Variants in ABCC1 observed in about 807,000 individuals in gnomAD.
ABCC1 encodes the protein ATP binding cassette subfamily C member 1 (ABCC1 blood group).
ABCC1 carries 83 observed loss-of-function variants against 172.9 expected under a neutral mutation model. The ratio of observed to expected loss-of-function variants is 0.48; its 90% confidence interval spans 0.40 to 0.58. The LOEUF (loss-of-function observed/expected upper bound fraction) is 0.58, where lower values mean the gene tolerates loss of function less well. ABCC1 is among the 20% of genes least tolerant of loss of function. ABCC1 has a pLI of 0.00. For missense variants in ABCC1, 1,817 were observed against 2,002.7 expected (o/e 0.91, Z 1.77); for synonymous variants, 937 against 825.2 (o/e 1.14, Z -2.32).
intron 1 of ABCC1, among the ~76,000 whole-genome samples, chr16:15,953,869 G>C (rs1773568174): frequency 6.6e-6 from 1 of 152,138 alleles, no homozygotes; most frequent in Non-Finnish European, 1.5e-5. Context: ...GAGTCAGTCT[G>C]ATCCCTGGTT....
rs775344535 is a variant in ABCC1 at position 16,044,690 on chromosome 16, C to T, written c.1040+10C>T. On this transcript the variant is annotated intron_variant, in intron 8 of 30. Coordinates refer to ENST00000399410, the MANE Select transcript of ABCC1 (RefSeq NM_004996.4). ...GGCCGCAGATCTTAAAGTAAGACCC[C>T]TTCCCTCCCAGGTGGGCTCCATTTT... is the stretch of plus-strand genomic sequence containing the variant. The T allele has an allele frequency of 5.6e-6, 9 of 1,611,066 alleles. No homozygotes were observed. Among genetic ancestry groups the T allele is most frequent in the Non-Finnish European group, 2.5e-6 (3 of 1,177,236 alleles).
intron 1 of ABCC1, among the ~76,000 whole-genome samples, chr16:16,002,827 T>G (rs7202416): frequency 0.016 from 2,406 of 149,894 alleles, 60 homozygotes; most frequent in African/African-American, 0.055. Flanking sequence ...AAAAGCAAGG[T>G]ATAGAATGGA....
chr16:16,118,162 A>G (rs546889896), intron 23 of ABCC1, among the ~76,000 whole-genome samples: 1 of 152,282 alleles, frequency 6.6e-6, no homozygotes, highest in African/African-American at 2.4e-5. Flanking sequence ...CCGCAGCACA[A>G]TTGCCAGTAG....
intron 17 of ABCC1, 97 bp from the exon 18 acceptor site, chr16:16,086,727 C>T: frequency 2.1e-6 from 3 of 1,454,378 alleles, no homozygotes; most frequent in Admixed American, 3.7e-5. Context: ...CCTTGGCCTC[C>T]CAAAGTTCTG....
At chr16:15,961,012 TTTTTTTTTTTTTA>T (rs1252837050) in intron 1 of ABCC1, among the ~76,000 whole-genome samples, 8 of 55,658 alleles carry the variant, frequency 1.4e-4, no homozygotes, top group African/African-American at 6.6e-4. Flanking sequence ...TTTTTTTTTT[TTTTTTTTTTTTTA>T]AAATAGATGG....
At chr16:16,135,469 C>T (rs1449620425) in intron 28 of ABCC1, among the ~76,000 whole-genome samples, 6 of 151,686 alleles carry the variant, frequency 4.0e-5, no homozygotes, top group African/African-American at 1.5e-4. Flanking sequence ...TCTTTTTTTT[C>T]TTTTTTTAAC....
At chr16:16,081,737 T>C (rs532818356) in intron 16 of ABCC1, among the ~76,000 whole-genome samples, 1 of 152,250 alleles carries the variant, frequency 6.6e-6, no homozygotes, top group Admixed American at 6.5e-5. Flanking sequence ...AAGAATCTTC[T>C]GGCTGGGCGC....
At position 16,065,356 on chromosome 16, in the gene ABCC1, G is replaced by T. The variant is rs187846767; in HGVS notation, c.1678-2800G>T. Reference sequence around the variant, plus strand: ...GCTCACTGCAGCCTCGACCTCCTGGGCTCAAATGATTCTCCTGCCTCAGCC... The same window carrying T: ...GCTCACTGCAGCCTCGACCTCCTGGTCTCAAATGATTCTCCTGCCTCAGCC... On this transcript the variant is annotated intron_variant, in intron 12 of 30. Transcript: ENST00000399410. 4.4e-3 allele frequency among the ~76,000 whole-genome samples: 677 copies of T among 152,238 alleles called. 4 individuals are homozygous for T. Among genetic ancestry groups the T allele is most frequent in the South Asian group, 0.012 (59 of 4,818 alleles).
chr16:15,988,702 G>A (rs1157602673), intron 1 of ABCC1, among the ~76,000 whole-genome samples: 3 of 152,164 alleles, frequency 2.0e-5, no homozygotes, highest in African/African-American at 7.2e-5. Flanking sequence ...CAAGATGCTT[G>A]CTGCTGACAT....
chr16:16,136,496 G>A lies in ABCC1; in HGVS notation c.4144G>A (p.Gly1382Ser), dbSNP rs2045923228. 1.2e-6 allele frequency: 2 copies of A among 1,614,100 alleles called. No homozygotes were observed. The highest frequency in any genetic ancestry group is 1.7e-6 in the Non-Finnish European group (2 of 1,180,018). Residue 1382 changes from glycine to serine, a missense_variant, in exon 29 of 31, where the codon GGT becomes AGT. Gly to Ser is a moderately conservative substitution (Grantham distance 56, BLOSUM62 0). Around this residue, in one of 3 missense-constraint regions of ABCC1, gnomAD observed 1,412 missense variants for 1,600.3 expected, o/e 0.88. Coordinates refer to ENST00000399410, the MANE Select transcript of ABCC1 (RefSeq NM_004996.4). ...IIPQDPVLFS[G>S]SLRMNLDPFS... ...TGAACAGGACCCTGTTTTGTTTTCG[G>A]GTTCCCTCCGAATGAACCTGGACCC...
At chr16:15,966,409 TA>T (rs34914361) in intron 1 of ABCC1, among the ~76,000 whole-genome samples, 126 of 138,880 alleles carry the variant, frequency 9.1e-4, no homozygotes, top group Admixed American at 1.1e-3. Context: ...GACTTTATCT[TA>T]AAAAAAAAAA....
At chr16:16,031,973 G>C (rs2151827831) in intron 5 of ABCC1, among the ~76,000 whole-genome samples, 1 of 152,164 alleles carries the variant, frequency 6.6e-6, no homozygotes, top group African/African-American at 2.4e-5. Context: ...CTGGTCCCCA[G>C]TTTTTAAGTT....
intron 5 of ABCC1, among the ~76,000 whole-genome samples, chr16:16,032,485 A>G (rs1207395279): frequency 6.6e-6 from 1 of 152,198 alleles, no homozygotes; most frequent in Non-Finnish European, 1.5e-5. Flanking sequence ...ATTTGTATGC[A>G]GGGTGCTTGG....
intron 7 of ABCC1, among the ~76,000 whole-genome samples, chr16:16,040,697 AG>A (rs2048943135): frequency 6.6e-6 from 1 of 152,120 alleles, no homozygotes; most frequent in Admixed American, 6.6e-5. Context: ...TGTGTTGCCC[AG>A]GCTGGTCTCC....
intron 19 of ABCC1, among the ~76,000 whole-genome samples, chr16:16,091,976 G>A (rs543757193): frequency 6.6e-6 from 1 of 152,282 alleles, no homozygotes; most frequent in East Asian, 1.9e-4. Context: ...AGTGGCTCAC[G>A]CCTGTAATCC....
chr16:15,980,736 C>G (rs917381969), intron 1 of ABCC1, among the ~76,000 whole-genome samples: 2 of 152,148 alleles, frequency 1.3e-5, no homozygotes, highest in African/African-American at 4.8e-5. Context: ...CGTTCTGCCC[C>G]TCCCAAATCT....
chr16:16,061,772 C>CTTTTTTTTTTTTTTTTT (rs201926082), intron 12 of ABCC1, among the ~76,000 whole-genome samples: 5 of 116,226 alleles, frequency 4.3e-5, no homozygotes, highest in East Asian at 2.3e-4. Context: ...TTCTTTTTTT[C>CTTTTTTTTTTTTTTTTT]TTTTTTTTTT....
rs201909680 is a variant in ABCC1 at position 16,083,408 on chromosome 16, G to A, written c.2158G>A (p.Asp720Asn). The A allele has an allele frequency of 2.2e-5, 35 of 1,613,752 alleles. No homozygotes were observed. The highest frequency in any genetic ancestry group is 3.0e-5 in the Non-Finnish European group (35 of 1,180,052). The change falls in exon 17 of 31, where the codon GAT (aspartate) becomes AAT (asparagine). Residue 720 changes from aspartate to asparagine, a missense_variant. Transcript: ENST00000399410. The part of the protein sequence containing the change: ...YVPQQAWIQN[D>N]SLRENILFGC... Reference sequence around the variant, plus strand: ...GCCACAGCAGGCCTGGATTCAGAATGATTCTCTCCGAGAAAACATCCTTTT... The same window carrying A: ...GCCACAGCAGGCCTGGATTCAGAATAATTCTCTCCGAGAAAACATCCTTTT...
In ABCC1 at chr16:15,986,309, C is replaced by A. The variant is rs575812785; in HGVS notation, c.49-21507C>A. Among the ~76,000 whole-genome samples, 5 of 152,172 alleles carry A rather than the reference C, an allele frequency of 3.3e-5. No homozygotes were observed. The South Asian group carries it at 8.3e-4, about 25-fold the overall frequency. The stretch of plus-strand genomic sequence containing the variant: ...ATAATTCCCTGTGATTACATTGGGC[C>A]CACCTGGATCATCTAGGACAGGGGT... On this transcript the variant is annotated intron_variant, in intron 1 of 30. Transcript: ENST00000399410.
Sources: gnomAD v4.1 joint callset for allele counts (sites outside exome capture counted in the v4.1 genomes callset) on GRCh38, gnomAD v4.1.1 for gene constraint, gnomAD v4.1.1 regional missense constraint, MANE v1.5 for transcripts, NCBI Gene and HGNC (gene_info 2026-07-23, HGNC 2026-07-21) for gene names.